The following DTX1 variants were observed in gnomAD, a reference collection of about 807,000 sequenced individuals.
DTX1 encodes E3 ubiquitin-protein ligase DTX1.
Under a neutral mutation model 57.8 loss-of-function variants are expected in DTX1, and 26 were observed. The ratio of observed to expected loss-of-function variants is 0.45; its 90% CI spans 0.33 to 0.62. DTX1 has a LOEUF of 0.62. DTX1 is among the 20% of genes least tolerant of loss of function. The pLI is 0.02. For missense variants in DTX1, 704 were observed against 895.3 expected, an observed-to-expected ratio of 0.79 and a Z score of 2.73; for synonymous variants, 398 against 394.1, an observed-to-expected ratio of 1.01 and a Z score of -0.12.
At chr12:113,092,786 C>A (rs1420075442) in intron 3 of DTX1, among the ~76,000 whole-genome samples, 3 of 152,138 alleles carry the variant, frequency 2.0e-5, no homozygotes, top group African/African-American at 7.2e-5. Flanking sequence ...AATAATGCTA[C>A]ATCTAACAAG....
chr12:113,063,239 G>A (rs1369079237), intron 2 of DTX1, among the ~76,000 whole-genome samples: 1 of 152,236 alleles, frequency 6.6e-6, no homozygotes, highest in African/African-American at 2.4e-5. Flanking sequence ...GGGTCTTGGG[G>A]TGAGGGGGTT....
At chr12:113,068,815 C>T (rs1056390572) in intron 2 of DTX1, among the ~76,000 whole-genome samples, 5 of 152,208 alleles carry the variant, frequency 3.3e-5, no homozygotes, top group Admixed American at 1.3e-4. Context: ...GAGGAGGCCC[C>T]TGCAACAGTC....
intron 2 of DTX1, among the ~76,000 whole-genome samples, chr12:113,065,724 A>T (rs1394832557): frequency 1.3e-5 from 2 of 150,250 alleles, no homozygotes; most frequent in African/African-American, 2.5e-5. Context: ...GGTGGTAAGG[A>T]GTGAAGCGTG....
At chr12:113,078,460 A>T (rs1376709449) in intron 3 of DTX1, among the ~76,000 whole-genome samples, 2 of 152,192 alleles carry the variant, frequency 1.3e-5, no homozygotes. Flanking sequence ...TAAACCCGTT[A>T]TATGTATCAC....
At chr12:113,081,541 G>A (rs896130671) in intron 3 of DTX1, among the ~76,000 whole-genome samples, 2 of 152,136 alleles carry the variant, frequency 1.3e-5, no homozygotes, top group African/African-American at 4.8e-5. Flanking sequence ...AAATGAAGAC[G>A]ATCTCTGGAG....
In DTX1 at chr12:113,095,046, G is replaced by C; in HGVS notation, c.1391G>C (p.Gly464Ala). ...CTGCCAGCCTCCCCTGCCCAGGATG[G>C]CAGCCTGCAGTGCCCCACCTGCAAG... ...VAMYSNGNKD[G>A]SLQCPTCKAI... The change falls in exon 8 of 10, where the codon GGC becomes GCC. Residue 464 changes from glycine to alanine, a missense_variant. This residue lies in a region of DTX1 where 168 missense variants were observed against 255.6 expected (regional missense o/e 0.66). Transcript: ENST00000548759. The C allele has an allele frequency of 6.2e-7, 1 of 1,610,090 alleles. No individual in the cohort carries two copies. Among genetic ancestry groups the C allele is most frequent in the South Asian group, 1.1e-5 (1 of 90,952 alleles).
intron 2 of DTX1, among the ~76,000 whole-genome samples, chr12:113,064,865 G>A (rs1404220845): frequency 1.3e-5 from 2 of 152,244 alleles, no homozygotes; most frequent in African/African-American, 4.8e-5. Flanking sequence ...TGTGCATGGT[G>A]TATGCCTGGA....
chr12:113,081,756 G>A (rs2044819231), intron 3 of DTX1, among the ~76,000 whole-genome samples: 1 of 152,108 alleles, frequency 6.6e-6, no homozygotes, highest in Non-Finnish European at 1.5e-5. Flanking sequence ...CCAGCAAGAA[G>A]GAGAAGGGCA....
intron 2 of DTX1, among the ~76,000 whole-genome samples, chr12:113,075,684 AG>A: frequency 6.6e-6 from 1 of 152,238 alleles, no homozygotes; most frequent in Middle Eastern, 3.2e-3. Context: ...CCTTTATGAA[AG>A]GGGGCCCACC....
At chr12:113,096,457 AAAAAAG>A (rs1566022918) in intron 9 of DTX1, among the ~76,000 whole-genome samples, 22 of 146,952 alleles carry the variant, frequency 1.5e-4, no homozygotes, top group Admixed American at 2.7e-4. Flanking sequence ...AAAAAAAAAA[AAAAAAG>A]AAAAAGAAAA....
chr12:113,082,899 G>C (rs1055345511), intron 3 of DTX1, among the ~76,000 whole-genome samples: 3 of 152,180 alleles, frequency 2.0e-5, no homozygotes, highest in Non-Finnish European at 4.4e-5. Flanking sequence ...CGACTGGCCT[G>C]TCTCTATGAC....
chr12:113,058,292 C>T lies in DTX1; in HGVS notation c.100C>T (p.His34Tyr), dbSNP rs1241663277. 9.3e-6 allele frequency: 15 copies of T among 1,613,636 alleles called. No homozygotes were observed. The highest frequency in any genetic ancestry group is 1.3e-5 in the Non-Finnish European group (15 of 1,180,018). Reference sequence around the variant, plus strand: ...GGTGGTGTGGGAGTGGCTGAATGAGCACAGCCGCTGGCGGCCCTACACGGC... The same window carrying T: ...GGTGGTGTGGGAGTGGCTGAATGAGTACAGCCGCTGGCGGCCCTACACGGC... The part of the protein sequence containing the change: ...RVVVWEWLNE[H>Y]SRWRPYTATV... The change falls in exon 2 of 10, where the codon CAC (histidine) becomes TAC (tyrosine). Residue 34 changes from histidine (H) to tyrosine (Y), a missense_variant. This residue lies in a region of DTX1 where 237 missense variants were observed against 328.6 expected (regional missense o/e 0.72). Transcript: ENST00000548759.
chr12:113,082,890 G>A (rs747114323), intron 3 of DTX1, among the ~76,000 whole-genome samples: 1 of 152,204 alleles, frequency 6.6e-6, no homozygotes, highest in African/African-American at 2.4e-5. Flanking sequence ...GAGCCACAGC[G>A]ACTGGCCTGT....
intron 3 of DTX1, among the ~76,000 whole-genome samples, chr12:113,086,620 G>A (rs1035640748): frequency 6.6e-6 from 1 of 152,190 alleles, no homozygotes; most frequent in African/African-American, 2.4e-5. Context: ...CTTTGTTGTG[G>A]TGGGTGTGTT....
At position 113,079,515 on chromosome 12, in the gene DTX1, CTTTTTTTTTTTTTT is replaced by C. The variant is rs3038193; in HGVS notation, c.941+1427_941+1440del. On this transcript the variant is annotated intron_variant, in intron 3 of 9. Coordinates refer to ENST00000548759, the MANE Select transcript of DTX1 (RefSeq NM_004416.3). ...TTCGAATCCCCTCTTGGCCACTTCT[CTTTTTTTTTTTTTT>C]TTTTTTTTTTTTTTTTGAGATACAG... Among the ~76,000 whole-genome samples the C allele has an allele frequency of 1.3e-4, 10 of 77,180 alleles. No homozygotes were observed. In the East Asian group the frequency reaches 2.4e-3, roughly 19 times the overall value. 50.6% of individuals were successfully genotyped at this position (77,180 alleles called of 152,430 possible).
chr12:113,062,496 G>T (rs758980988), intron 2 of DTX1, among the ~76,000 whole-genome samples: 4 of 152,128 alleles, frequency 2.6e-5, no homozygotes, highest in Non-Finnish European at 5.9e-5. Flanking sequence ...TTCCTGAGCT[G>T]CACGATAGCA....
intron 3 of DTX1, among the ~76,000 whole-genome samples, chr12:113,087,655 C>T (rs2044872284): frequency 6.6e-6 from 1 of 152,204 alleles, no homozygotes; most frequent in Non-Finnish European, 1.5e-5. Context: ...CTCACTTCTG[C>T]CCCCTCCTCA....
chr12:113,077,429 A>C lies in DTX1; in HGVS notation c.265A>C (p.Met89Leu). 1 of 1,604,558 alleles carries C rather than the reference A, an allele frequency of 6.2e-7. No individual in the cohort carries two copies. The highest frequency in any genetic ancestry group is 8.5e-7 in the Non-Finnish European group (1 of 1,177,952). ...MHQFRQDTGT[M>L]RPVRRNFYDP... ...CCTCCCCATTTCGAGTACAGGCACC[A>C]TGCGGCCCGTGCGGCGCAACTTCTA... Residue 89 changes from methionine to leucine, a missense_variant, in exon 3 of 10, where the codon ATG becomes CTG. By Grantham distance (15) the Met-to-Leu change is conservative (BLOSUM62 2). This residue lies in a region of DTX1 where 237 missense variants were observed against 328.6 expected (regional missense o/e 0.72). Coordinates refer to ENST00000548759, the MANE Select transcript of DTX1 (RefSeq NM_004416.3). This position sits in a 1 kb window ranked among gnomAD's most constrained non-coding sequence, Gnocchi z 7.8.
Position 113,077,823 on chromosome 12 carries a change from C to T in DTX1, c.659C>T (p.Ala220Val). The change falls in exon 3 of 10, where the codon GCC becomes GTC. Residue 220 changes from alanine to valine, a missense_variant. Coordinates refer to ENST00000548759, the MANE Select transcript of DTX1 (RefSeq NM_004416.3). This position sits in a 1 kb window ranked among gnomAD's most constrained non-coding sequence, Gnocchi z 7.8. ...CGCGCCGCCTCCAACGCCATCCTGGCCTCGCAGCGCCGCAAGGCGCCCCCC... is the reference window on the plus strand; with the variant it reads ...CGCGCCGCCTCCAACGCCATCCTGGTCTCGCAGCGCCGCAAGGCGCCCCCC... ...STRAASNAILASQRRKAPPAP... is the reference protein window; with the variant it reads ...STRAASNAILVSQRRKAPPAP... 7.1e-7 allele frequency: 1 copy of T among 1,412,424 alleles called. No individual in the cohort carries two copies. Among genetic ancestry groups the T allele is most frequent in the Middle Eastern group, 2.4e-4 (1 of 4,236 alleles). The allele number at this position is 1,412,424 out of a possible 1,614,324, so 87.5% of individuals were successfully genotyped here.
Sources: allele counts gnomAD v4.1 joint callset (sites outside exome capture counted in the v4.1 genomes callset), GRCh38; gene constraint gnomAD v4.1.1; regional missense constraint gnomAD v4.1.1; non-coding constraint Gnocchi (gnomAD v3.1); transcripts MANE v1.5; gene names NCBI Gene and HGNC (gene_info 2026-07-23, HGNC 2026-07-21).